The following SLAIN2 variants were observed in gnomAD, a reference collection of about 807,000 sequenced individuals.
SLAIN2 encodes the protein SLAIN motif-containing protein 2.
SLAIN2 carries 31 observed loss-of-function variants against 56.6 expected under a neutral mutation model. The ratio of observed to expected loss-of-function variants is 0.55; its 90% confidence interval spans 0.41 to 0.74. The LOEUF (loss-of-function observed/expected upper bound fraction) is 0.74. Ranked by LOEUF, SLAIN2 falls within the 30% of genes least tolerant of loss-of-function variation. The pLI is 0.00. For synonymous variants in SLAIN2, 317 were observed against 284.9 expected (o/e 1.11, Z -1.13); for missense variants, 777 against 754.2 (o/e 1.03, Z -0.35).
At chr4:48,420,544 C>CTG in intron 7 of SLAIN2, 101 bp downstream of exon 7, 2 of 1,320,392 alleles carry the variant, frequency 1.5e-6, no homozygotes, top group Non-Finnish European at 2.1e-6. Context: ...AACAGAAAGT[C>CTG]ATGGTGGATT....
At chr4:48,365,979 T>C (rs1000959910) in intron 1 of SLAIN2, among the ~76,000 whole-genome samples, 1 of 152,260 alleles carries the variant, frequency 6.6e-6, no homozygotes, top group African/African-American at 2.4e-5. Context: ...TAAGCACTTT[T>C]TTAGCGTCAT....
At chr4:48,408,530 CAA>C (rs3072283) in intron 6 of SLAIN2, among the ~76,000 whole-genome samples, 24 of 108,996 alleles carry the variant, frequency 2.2e-4, no homozygotes, top group African/African-American at 6.2e-4. Context: ...CCGTTTTTAG[CAA>C]AAAAAAAAAA....
intron 1 of SLAIN2, among the ~76,000 whole-genome samples, chr4:48,345,074 G>C (rs1309623144): frequency 6.6e-6 from 1 of 152,120 alleles, no homozygotes; most frequent in Non-Finnish European, 1.5e-5. Context: ...CATTTTCTAG[G>C]TAAGAAAACT....
chr4:48,374,317 A>G (rs1258956559), intron 2 of SLAIN2, among the ~76,000 whole-genome samples: 1 of 151,872 alleles, frequency 6.6e-6, no homozygotes, highest in African/African-American at 2.4e-5. Flanking sequence ...GCTCACTGCA[A>G]CCTCTGCCTC....
intron 1 of SLAIN2, among the ~76,000 whole-genome samples, chr4:48,348,336 T>G (rs1714924534): frequency 6.6e-6 from 1 of 152,138 alleles, no homozygotes; most frequent in Non-Finnish European, 1.5e-5. Context: ...AAAAGTTGAA[T>G]TGGGTGAATT....
chr4:48,420,708 T>C (rs1290153237), intron 7 of SLAIN2, among the ~76,000 whole-genome samples: 2 of 152,204 alleles, frequency 1.3e-5, no homozygotes, highest in Non-Finnish European at 2.9e-5. Context: ...AAAAAATTGT[T>C]AGAGCCTCTC....
At chr4:48,377,829 C>G (rs1448185632) in intron 2 of SLAIN2, 67 bp from the exon 3 acceptor site, 12 of 1,455,480 alleles carry the variant, frequency 8.2e-6, no homozygotes, top group Non-Finnish European at 7.5e-6. Context: ...AATAGGAAAA[C>G]TTCAGAAATG....
intron 1 of SLAIN2, among the ~76,000 whole-genome samples, chr4:48,344,220 T>C (rs2109729309): frequency 6.6e-6 from 1 of 152,332 alleles, no homozygotes; most frequent in East Asian, 1.9e-4. Context: ...CTGAGATTTG[T>C]GTGAACTGAA....
At chr4:48,412,365 TACACACAC>T (rs748099130) in intron 6 of SLAIN2, among the ~76,000 whole-genome samples, 1,406 of 112,932 alleles carry the variant, frequency 0.012, 37 homozygotes, top group African/African-American at 0.038. Context: ...TTTGTATATG[TACACACAC>T]ACACACACAC....
At chr4:48,381,690 G>A (rs1266958363) in intron 4 of SLAIN2, among the ~76,000 whole-genome samples, 4 of 152,108 alleles carry the variant, frequency 2.6e-5, no homozygotes, top group African/African-American at 7.2e-5. Context: ...TTGATGAACC[G>A]TGTTGATAGC....
chr4:48,349,035 C>G (rs759422342), intron 1 of SLAIN2, among the ~76,000 whole-genome samples: 3 of 152,152 alleles, frequency 2.0e-5, no homozygotes, highest in African/African-American at 4.8e-5. Flanking sequence ...CTGTTTTTTT[C>G]TCTTCCTCCT....
At chr4:48,357,313 A>G (rs1715184004) in intron 1 of SLAIN2, among the ~76,000 whole-genome samples, 1 of 151,940 alleles carries the variant, frequency 6.6e-6, no homozygotes, top group Non-Finnish European at 1.5e-5. Context: ...CTTATATTTT[A>G]TAGTTGGTAA....
intron 6 of SLAIN2, among the ~76,000 whole-genome samples, chr4:48,406,812 G>T (rs1241280901): frequency 1.3e-5 from 2 of 151,968 alleles, no homozygotes; most frequent in Non-Finnish European, 2.9e-5. Context: ...TAATTGTCTA[G>T]ATATGAAATC....
At chr4:48,365,424 A>G (rs1403324752) in intron 1 of SLAIN2, among the ~76,000 whole-genome samples, 1 of 144,752 alleles carries the variant, frequency 6.9e-6, no homozygotes, top group Non-Finnish European at 1.5e-5. Context: ...CCGAGATCGC[A>G]ACAGAGCAAG....
chr4:48,419,265 A>G (rs1260312314), intron 6 of SLAIN2, among the ~76,000 whole-genome samples: 3 of 151,484 alleles, frequency 2.0e-5, no homozygotes, highest in Non-Finnish European at 4.4e-5. Flanking sequence ...ACCACCCCCA[A>G]CTAATTTTTG....
chr4:48,392,208 A>G (rs917577467), intron 6 of SLAIN2, among the ~76,000 whole-genome samples: 4 of 152,162 alleles, frequency 2.6e-5, no homozygotes, highest in African/African-American at 4.8e-5. Context: ...AAAATCGTTC[A>G]TTTCATTCTT....
At chr4:48,352,586 A>G (rs1715040840) in intron 1 of SLAIN2, among the ~76,000 whole-genome samples, 1 of 152,210 alleles carries the variant, frequency 6.6e-6, no homozygotes, top group African/African-American at 2.4e-5. Context: ...TAGGATGTCC[A>G]GCAGCATCCC....
intron 6 of SLAIN2, among the ~76,000 whole-genome samples, chr4:48,385,099 T>G (rs1416393598): frequency 6.6e-6 from 1 of 152,168 alleles, no homozygotes; most frequent in Non-Finnish European, 1.5e-5. Context: ...GAGAGAATCA[T>G]ACAGTAAGAT....
chr4:48,382,016 A>G (rs1715983474), intron 4 of SLAIN2, among the ~76,000 whole-genome samples: 1 of 152,200 alleles, frequency 6.6e-6, no homozygotes, highest in Non-Finnish European at 1.5e-5. Flanking sequence ...GCTTAAAACA[A>G]TAAAAATGGA....
Sources: gnomAD v4.1 joint callset for allele counts (sites outside exome capture counted in the v4.1 genomes callset) on GRCh38, gnomAD v4.1.1 for gene constraint, MANE v1.5 for transcripts, NCBI Gene and HGNC (gene_info 2026-07-23, HGNC 2026-07-21) for gene names.